Variants in TENM2 observed in about 807,000 individuals in gnomAD.
The protein encoded by TENM2 is teneurin transmembrane protein 2.
Under a neutral mutation model 245.2 loss-of-function variants are expected in TENM2, and 52 were observed. The observed-to-expected ratio is 0.21, with a 90% CI of 0.17 to 0.27. The LOEUF is 0.27. Among genes scored for constraint, TENM2 ranks in the 10% least tolerant of loss-of-function variants. The pLI is 1.00. For synonymous variants in TENM2, 1,363 were observed against 1,438.9 expected (o/e 0.95, Z 1.19); for missense variants, 3,046 against 3,666.8 (o/e 0.83, Z 4.37).
At chr5:167,599,259 G>A (rs939388770) in intron 2 of TENM2, among the ~76,000 whole-genome samples, 2 of 152,118 alleles carry the variant, frequency 1.3e-5, no homozygotes, top group African/African-American at 4.8e-5. Flanking sequence ...AATCTTCAAC[G>A]ACAGAGAAAG....
At chr5:168,051,580 C>T (rs2152056281) in intron 6 of TENM2, among the ~76,000 whole-genome samples, 1 of 152,300 alleles carries the variant, frequency 6.6e-6, no homozygotes, top group African/African-American at 2.4e-5. Context: ...ACTCCCAATA[C>T]ATCACTTCTT....
At chr5:167,763,502 T>G (rs530993066) in intron 2 of TENM2, among the ~76,000 whole-genome samples, 1 of 152,238 alleles carries the variant, frequency 6.6e-6, no homozygotes, top group South Asian at 2.1e-4. Flanking sequence ...ATTAGTAGTG[T>G]AATGTTTCTG....
At chr5:167,585,805 T>C (rs1321903713) in intron 2 of TENM2, among the ~76,000 whole-genome samples, 5 of 152,070 alleles carry the variant, frequency 3.3e-5, no homozygotes, top group African/African-American at 1.2e-4. Flanking sequence ...CAACCAACCA[T>C]AGATTGACAA....
intron 19 of TENM2, among the ~76,000 whole-genome samples, chr5:168,211,024 C>A (rs1286218814): frequency 6.6e-6 from 1 of 152,154 alleles, no homozygotes; most frequent in African/African-American, 2.4e-5. Flanking sequence ...GATATTATTA[C>A]CTATAAATTT....
At chr5:167,995,750 T>C (rs936953616) in intron 5 of TENM2, among the ~76,000 whole-genome samples, 1 of 152,202 alleles carries the variant, frequency 6.6e-6, no homozygotes, top group Admixed American at 6.5e-5. Flanking sequence ...TTAATGTGTA[T>C]AAATCACTTT....
chr5:167,576,234 G>A (rs1774675223), intron 2 of TENM2, among the ~76,000 whole-genome samples: 1 of 151,926 alleles, frequency 6.6e-6, no homozygotes, highest in African/African-American at 2.4e-5. Context: ...TTAGGCAGAT[G>A]GTAATCAAAG....
chr5:167,958,220 T>G (rs2151870890), intron 4 of TENM2, among the ~76,000 whole-genome samples: 1 of 152,348 alleles, frequency 6.6e-6, no homozygotes, highest in African/African-American at 2.4e-5. Flanking sequence ...CCCTTTACCA[T>G]TATGTAATGG....
intron 2 of TENM2, among the ~76,000 whole-genome samples, chr5:167,545,314 C>A (rs1772483160): frequency 1.3e-5 from 2 of 152,142 alleles, no homozygotes; most frequent in East Asian, 1.9e-4. Flanking sequence ...ACACAGTTTT[C>A]TCTGTAATTT....
chr5:167,583,624 G>A (rs1345924907), intron 2 of TENM2, among the ~76,000 whole-genome samples: 1 of 152,116 alleles, frequency 6.6e-6, no homozygotes, highest in Non-Finnish European at 1.5e-5. Flanking sequence ...AAGATTCCCA[G>A]TAGATATTCC....
At chr5:167,983,320 A>T (rs1282378353) in intron 4 of TENM2, among the ~76,000 whole-genome samples, 1 of 152,188 alleles carries the variant, frequency 6.6e-6, no homozygotes, top group Non-Finnish European at 1.5e-5. Context: ...GGAAAAAAAA[A>T]GTTTTACCAT....
the TENM2 span, among the ~76,000 whole-genome samples, chr5:167,012,382 A>T: frequency 1.4e-3 from 208 of 152,324 alleles, no homozygotes; most frequent in Non-Finnish European, 2.7e-3. Flanking sequence ...CTCATTTTCT[A>T]GTGAGGAGGA....
At chr5:168,036,009 C>A (rs774396788) in intron 5 of TENM2, among the ~76,000 whole-genome samples, 1 of 152,220 alleles carries the variant, frequency 6.6e-6, no homozygotes, top group South Asian at 2.1e-4. Context: ...ACTTTCCAAA[C>A]GTGCCTATCT....
At chr5:168,118,645 T>C (rs1012575982) in intron 10 of TENM2, among the ~76,000 whole-genome samples, 159 bp downstream of exon 12, 4 of 152,218 alleles carry the variant, frequency 2.6e-5, no homozygotes, top group Non-Finnish European at 5.9e-5. Context: ...ATAAATTTCT[T>C]TGGTTGTAGA....
chr5:167,043,848 C>T, the TENM2 span, among the ~76,000 whole-genome samples: 356 of 152,084 alleles, frequency 2.3e-3, 2 homozygotes, highest in African/African-American at 8.1e-3. Flanking sequence ...ATGGTGAAAC[C>T]GTCTCTACTA....
At chr5:167,920,344 A>AG (rs1219346382) in intron 3 of TENM2, among the ~76,000 whole-genome samples, 2 of 149,442 alleles carry the variant, frequency 1.3e-5, no homozygotes, top group African/African-American at 4.9e-5. Flanking sequence ...AAAAAAAGAA[A>AG]AAAAAAGAAA....
intron 7 of TENM2, among the ~76,000 whole-genome samples, chr5:168,063,770 C>T (rs1334064088): frequency 1.3e-5 from 2 of 152,130 alleles, no homozygotes; most frequent in African/African-American, 2.4e-5. Flanking sequence ...CACTATCAAT[C>T]GACCATTGTT....
chr5:167,822,200 G>A (rs1355633514), intron 2 of TENM2, among the ~76,000 whole-genome samples: 4 of 151,788 alleles, frequency 2.6e-5, no homozygotes, highest in East Asian at 1.9e-4. Flanking sequence ...ACGCCCTCTC[G>A]GTCACATTGT....
intron 2 of TENM2, among the ~76,000 whole-genome samples, chr5:167,643,630 C>CACTTG (rs774115581): frequency 3.9e-5 from 6 of 152,206 alleles, no homozygotes; most frequent in Non-Finnish European, 7.3e-5. Flanking sequence ...CACACAGGAA[C>CACTTG]ACTTGCCTGA....
rs529545978 is a variant in TENM2 at position 167,948,221 on chromosome 5, A to G, written c.713-4367A>G. ...TTTTTCACTTCCCACATCTGACTTT[A>G]TGGGAATTGGTATCGTTACTCAACA... On this transcript the variant is annotated intron_variant, in intron 3 of 28. Coordinates refer to ENST00000518659, the Ensembl canonical transcript of TENM2. 1.9e-4 allele frequency among the ~76,000 whole-genome samples: 29 copies of G among 152,306 alleles called. No homozygotes were observed. The South Asian group carries it at 5.8e-3, about 30-fold the overall frequency.
Sources: allele counts gnomAD v4.1 joint callset (sites outside exome capture counted in the v4.1 genomes callset), GRCh38; gene constraint gnomAD v4.1.1; transcripts MANE v1.5; gene names NCBI Gene and HGNC (gene_info 2026-07-23, HGNC 2026-07-21).